The following ATRNL1 variants were observed in gnomAD, a reference collection of about 807,000 sequenced individuals.
ATRNL1 encodes attractin-like protein 1.
A neutral mutation model predicts 182.7 loss-of-function variants in ATRNL1; 95 were observed. The observed-to-expected ratio is 0.52, with a 90% confidence interval of 0.44 to 0.62. The LOEUF (loss-of-function observed/expected upper bound fraction) is 0.62. Ranked by LOEUF, ATRNL1 falls within the 20% of genes least tolerant of loss-of-function variation. The pLI is 0.00. For synonymous variants in ATRNL1, 576 were observed against 568.3 expected (o/e 1.01, Z -0.19); for missense variants, 1,471 against 1,679.5 (o/e 0.88, Z 2.17).
intron 26 of ATRNL1, among the ~76,000 whole-genome samples, chr10:115,577,610 TTGTGTG>T (rs3981280): frequency 0.28 from 37,689 of 134,926 alleles, 5,615 homozygotes; most frequent in East Asian, 0.56. Context: ...TTCTAACAGG[TTGTGTG>T]TGTGTGTGTG....
chr10:115,366,503 G>A (rs1482423629), intron 19 of ATRNL1, among the ~76,000 whole-genome samples: 2,074 of 151,704 alleles, frequency 0.014, 32 homozygotes, highest in African/African-American at 0.042. Flanking sequence ...TAATTGGAGC[G>A]TTTAGTCCAT....
At chr10:115,380,875 T>TA (rs1194670113) in intron 19 of ATRNL1, among the ~76,000 whole-genome samples, 1 of 152,190 alleles carries the variant, frequency 6.6e-6, no homozygotes, top group Non-Finnish European at 1.5e-5. Flanking sequence ...TGTGGACATT[T>TA]AAAAAAATCC....
chr10:115,480,625 A>G (rs1351739587), intron 24 of ATRNL1, among the ~76,000 whole-genome samples: 1 of 151,106 alleles, frequency 6.6e-6, no homozygotes, highest in Non-Finnish European at 1.5e-5. Flanking sequence ...ACACATATAG[A>G]GGAGAATGGA....
intron 26 of ATRNL1, among the ~76,000 whole-genome samples, chr10:115,560,053 G>T (rs1368444806): frequency 1.3e-5 from 2 of 152,068 alleles, no homozygotes; most frequent in African/African-American, 4.8e-5. Flanking sequence ...GGATGCCAGA[G>T]CAATATAAAA....
chr10:115,874,391 T>C (rs1951653596), intron 28 of ATRNL1, among the ~76,000 whole-genome samples: 1 of 152,222 alleles, frequency 6.6e-6, no homozygotes, highest in Non-Finnish European at 1.5e-5. Context: ...TGCCTTGTCT[T>C]AGGTTGCCAT....
At chr10:115,943,355 G>A (rs1409039247) in intron 28 of ATRNL1, among the ~76,000 whole-genome samples, 1 of 152,112 alleles carries the variant, frequency 6.6e-6, no homozygotes, top group Non-Finnish European at 1.5e-5. Context: ...TTAAAAACAG[G>A]CAAAATATCT....
chr10:115,368,041 G>A (rs1183383937), intron 19 of ATRNL1, among the ~76,000 whole-genome samples: 1 of 152,166 alleles, frequency 6.6e-6, no homozygotes, highest in Non-Finnish European at 1.5e-5. Context: ...GCTGTGGTGG[G>A]CTCCACCCAG....
At chr10:115,492,457 T>A (rs1554976789) in intron 24 of ATRNL1, among the ~76,000 whole-genome samples, 1 of 151,732 alleles carries the variant, frequency 6.6e-6, no homozygotes, top group Non-Finnish European at 1.5e-5. Flanking sequence ...CTTTCATCTT[T>A]GTTATAGTAT....
At chr10:115,228,129 A>T (rs1278618273) in intron 9 of ATRNL1, among the ~76,000 whole-genome samples, 1 of 152,170 alleles carries the variant, frequency 6.6e-6, no homozygotes, top group Non-Finnish European at 1.5e-5. Flanking sequence ...TGATAATTTG[A>T]CATACCAAAA....
intron 28 of ATRNL1, among the ~76,000 whole-genome samples, chr10:115,896,485 T>C (rs1555112572): frequency 6.6e-6 from 1 of 152,148 alleles, no homozygotes; most frequent in East Asian, 1.9e-4. Context: ...AAACTGATGA[T>C]GTAATTTATT....
intron 3 of ATRNL1, among the ~76,000 whole-genome samples, chr10:115,126,226 T>G (rs550062485): frequency 9.9e-5 from 15 of 152,210 alleles, no homozygotes; most frequent in African/African-American, 3.6e-4. Context: ...CCCACCTGAT[T>G]TTTTTGTATT....
At chr10:115,763,127 A>G (rs1188770553) in intron 27 of ATRNL1, among the ~76,000 whole-genome samples, 1 of 152,166 alleles carries the variant, frequency 6.6e-6, no homozygotes, top group Non-Finnish European at 1.5e-5. Flanking sequence ...TATATATTTT[A>G]CTCTATGCAG....
chr10:115,724,619 C>A (rs1947537783), intron 26 of ATRNL1, among the ~76,000 whole-genome samples: 1 of 152,016 alleles, frequency 6.6e-6, no homozygotes, highest in South Asian at 2.1e-4. Flanking sequence ...GATCCAATTG[C>A]TGGTAAGTTC....
intron 1 of ATRNL1, among the ~76,000 whole-genome samples, chr10:115,103,487 C>T (rs550153238): frequency 6.6e-6 from 1 of 151,962 alleles, no homozygotes; most frequent in Admixed American, 6.6e-5. Context: ...GCCCATATCT[C>T]TTTATTTTTT....
intron 26 of ATRNL1, among the ~76,000 whole-genome samples, chr10:115,604,050 T>A (rs944115262): frequency 1.2e-4 from 18 of 152,322 alleles, no homozygotes; most frequent in African/African-American, 4.1e-4. Flanking sequence ...ATTCTTTCGA[T>A]GTCATTTCTG....
In ATRNL1 at chr10:115,215,679, A is replaced by G; in HGVS notation, c.1349-18A>G. 4 of 1,555,526 alleles carry G rather than the reference A, an allele frequency of 2.6e-6. No individual in the cohort carries two copies. Among genetic ancestry groups the G allele is most frequent in the Non-Finnish European group, 3.5e-6 (4 of 1,155,982 alleles). On this transcript the variant is annotated intron_variant, in intron 8 of 28. Transcript: ENST00000355044. ...AAATACTACTTGAAATTTATAATGTATTTTATTTCTGTTACAGCATCAAAC... is the reference window on the plus strand; with the variant it reads ...AAATACTACTTGAAATTTATAATGTGTTTTATTTCTGTTACAGCATCAAAC...
chr10:115,433,157 G>A (rs2134419884), intron 21 of ATRNL1, among the ~76,000 whole-genome samples: 1 of 151,904 alleles, frequency 6.6e-6, no homozygotes, highest in East Asian at 1.9e-4. Context: ...AGTTCATGGT[G>A]GAATTTTGTA....
chr10:115,192,925 C>G (rs1434499607), intron 8 of ATRNL1, among the ~76,000 whole-genome samples: 1 of 151,626 alleles, frequency 6.6e-6, no homozygotes, highest in Non-Finnish European at 1.5e-5. Flanking sequence ...GATTTTGTAT[C>G]CCTGCAACAT....
At chr10:115,214,185 G>T (rs1456306914) in intron 8 of ATRNL1, among the ~76,000 whole-genome samples, 1 of 151,958 alleles carries the variant, frequency 6.6e-6, no homozygotes, top group Non-Finnish European at 1.5e-5. Flanking sequence ...GTACCTCTAG[G>T]TAGTGGGCTG....
Sources: allele counts gnomAD v4.1 joint callset (sites outside exome capture counted in the v4.1 genomes callset), GRCh38; gene constraint gnomAD v4.1.1; transcripts MANE v1.5; gene names NCBI Gene and HGNC (gene_info 2026-07-23, HGNC 2026-07-21).